METAP1: variants seen among roughly 807,000 people sequenced by gnomAD.
METAP1 encodes methionyl aminopeptidase 1.
A neutral mutation model predicts 53.8 loss-of-function variants in METAP1; 28 were observed. The ratio of observed to expected loss-of-function variants is 0.52; its 90% CI spans 0.39 to 0.71. The LOEUF (loss-of-function observed/expected upper bound fraction) is 0.71. Ranked by LOEUF, METAP1 falls within the 30% of genes least tolerant of loss-of-function variation. The probability of loss-of-function intolerance (pLI) is 0.00; values close to 1 mark genes in which losing one functional copy is unlikely to be tolerated. For synonymous variants in METAP1, 181 were observed against 165.7 expected (o/e 1.09, Z -0.71); for missense variants, 389 against 479.8 (o/e 0.81, Z 1.77).
chr4:99,007,854 T>C (rs1333899600), intron 1 of METAP1, among the ~76,000 whole-genome samples: 2 of 152,218 alleles, frequency 1.3e-5, no homozygotes, highest in Admixed American at 1.3e-4. Flanking sequence ...ACACATTCCC[T>C]AATACTTTCC....
chr4:99,022,091 T>G (rs1724149998), intron 1 of METAP1, among the ~76,000 whole-genome samples: 1 of 152,134 alleles, frequency 6.6e-6, no homozygotes. Flanking sequence ...TATGCAGTAG[T>G]CATAATCATG....
intron 9 of METAP1, among the ~76,000 whole-genome samples, chr4:99,052,565 A>G (rs1260214019): frequency 6.6e-6 from 1 of 152,214 alleles, no homozygotes; most frequent in Non-Finnish European, 1.5e-5. Context: ...ATGACAACTC[A>G]TTCACTGTGC....
At chr4:99,054,535 G>T (rs1219019882) in intron 9 of METAP1, among the ~76,000 whole-genome samples, 1 of 152,176 alleles carries the variant, frequency 6.6e-6, no homozygotes, top group African/African-American at 2.4e-5. Context: ...GCATTTGTGG[G>T]TTCAGTGAAG....
chr4:99,020,050 G>A (rs1027543775), intron 1 of METAP1, among the ~76,000 whole-genome samples: 1 of 152,004 alleles, frequency 6.6e-6, no homozygotes, highest in African/African-American at 2.4e-5. Flanking sequence ...TGTGGGTCCC[G>A]AGCAGGAAAT....
intron 1 of METAP1, among the ~76,000 whole-genome samples, chr4:99,008,331 A>G (rs1398379178): frequency 6.6e-6 from 1 of 152,222 alleles, no homozygotes; most frequent in African/African-American, 2.4e-5. Flanking sequence ...ACAGAAATAT[A>G]AGGAAATGAA....
chr4:99,046,963 AAG>A (rs1491580481), intron 8 of METAP1, among the ~76,000 whole-genome samples: 2 of 151,552 alleles, frequency 1.3e-5, no homozygotes, highest in African/African-American at 2.4e-5. Flanking sequence ...AAAAAAGAAA[AAG>A]AAAAAACCAG....
At chr4:99,001,415 C>A (rs1722920847) in intron 1 of METAP1, among the ~76,000 whole-genome samples, 1 of 151,852 alleles carries the variant, frequency 6.6e-6, no homozygotes, top group African/African-American at 2.4e-5. Context: ...AATCAATTAC[C>A]CAGAGATGAT....
intron 6 of METAP1, 45 bp from the exon 7 acceptor site, chr4:99,043,204 G>A (rs1276640835): frequency 7.2e-7 from 1 of 1,385,994 alleles, no homozygotes; most frequent in South Asian, 1.4e-5. Flanking sequence ...ATTTCATACA[G>A]ATTTTTTCTT....
At chr4:98,997,021 T>G (rs569489900) in intron 1 of METAP1, among the ~76,000 whole-genome samples, 91 of 152,320 alleles carry the variant, frequency 6.0e-4, no homozygotes, top group Non-Finnish European at 1.0e-3. Context: ...TTCACAAGCT[T>G]CTTCTGAGAC....
At chr4:99,057,618 C>G in intron 9 of METAP1, 135 bp from the exon 10 acceptor site, 1 of 674,098 alleles carries the variant, frequency 1.5e-6, no homozygotes, top group Non-Finnish European at 2.5e-6. Context: ...GTTTGTTGAA[C>G]TTTAAGAAAG....
At chr4:99,058,080 G>C (rs1033004708) in intron 10 of METAP1, among the ~76,000 whole-genome samples, 1 of 152,104 alleles carries the variant, frequency 6.6e-6, no homozygotes, top group Non-Finnish European at 1.5e-5. Context: ...CATGTCAAAG[G>C]GTGCATTGTA....
intron 8 of METAP1, among the ~76,000 whole-genome samples, chr4:99,046,320 A>G (rs1159604026): frequency 6.6e-6 from 1 of 152,162 alleles, no homozygotes; most frequent in Non-Finnish European, 1.5e-5. Context: ...AGGCTGAGGC[A>G]GGAGAGTTGC....
intron 2 of METAP1, among the ~76,000 whole-genome samples, chr4:99,033,217 T>C (rs1375105832): frequency 6.6e-6 from 1 of 152,166 alleles, no homozygotes; most frequent in Non-Finnish European, 1.5e-5. Flanking sequence ...TCCTTCATTT[T>C]GTATTTTAAA....
At chr4:99,050,766 C>G (rs575723209) in intron 9 of METAP1, among the ~76,000 whole-genome samples, 15 of 152,230 alleles carry the variant, frequency 9.9e-5, no homozygotes, top group Admixed American at 8.5e-4. Context: ...GAATCTAATG[C>G]CTGATGATCT....
At chr4:99,041,386 T>C (rs1403271179) in intron 6 of METAP1, among the ~76,000 whole-genome samples, 14 of 152,126 alleles carry the variant, frequency 9.2e-5, no homozygotes, top group Non-Finnish European at 1.8e-4. Flanking sequence ...AGCATTTCAG[T>C]TGAGCTTTTA....
chr4:99,053,840 T>C (rs978639028), intron 9 of METAP1, among the ~76,000 whole-genome samples: 5 of 151,732 alleles, frequency 3.3e-5, no homozygotes, highest in African/African-American at 7.3e-5. Flanking sequence ...AACGAATCTT[T>C]TTCTCTGAGC....
At chr4:99,021,957 C>A (rs1724141505) in intron 1 of METAP1, among the ~76,000 whole-genome samples, 1 of 152,096 alleles carries the variant, frequency 6.6e-6, no homozygotes, top group Non-Finnish European at 1.5e-5. Context: ...ATGATAAATC[C>A]TTTATGGATT....
chr4:99,047,548 C>G (rs542173227), intron 8 of METAP1, among the ~76,000 whole-genome samples: 6 of 152,258 alleles, frequency 3.9e-5, no homozygotes, highest in Non-Finnish European at 5.9e-5. Flanking sequence ...CCTTCCTTCT[C>G]CCCCCAAAAT....
intron 8 of METAP1, among the ~76,000 whole-genome samples, chr4:99,045,754 G>T (rs1579317479): frequency 6.6e-6 from 1 of 151,996 alleles, no homozygotes; most frequent in Non-Finnish European, 1.5e-5. Flanking sequence ...TACCGTTTAG[G>T]TTTTTTCTCT....
Sources: allele counts gnomAD v4.1 joint callset (sites outside exome capture counted in the v4.1 genomes callset), GRCh38; gene constraint gnomAD v4.1.1; transcripts MANE v1.5; gene names NCBI Gene and HGNC (gene_info 2026-07-23, HGNC 2026-07-21).